XKR6: variants seen among roughly 807,000 people sequenced by gnomAD.
The protein encoded by XKR6 is XK-related protein 6.
XKR6 carries 22 observed loss-of-function variants against 56.7 expected under a neutral mutation model. The ratio of observed to expected loss-of-function variants is 0.39; its 90% confidence interval spans 0.28 to 0.55. The LOEUF (loss-of-function observed/expected upper bound fraction) is 0.55, where lower values mean the gene tolerates loss of function less well. XKR6 is among the 20% of genes least tolerant of loss of function. XKR6 has a pLI of 0.66. For synonymous variants in XKR6, 524 were observed against 387.8 expected (o/e 1.35, Z -4.13); for missense variants, 852 against 889.0 (o/e 0.96, Z 0.53).
At chr8:11,142,211 C>G (rs1800739304) in intron 1 of XKR6, among the ~76,000 whole-genome samples, 1 of 152,180 alleles carries the variant, frequency 6.6e-6, no homozygotes. Flanking sequence ...ATACTCAGGT[C>G]TTGAAGCATC....
At chr8:11,111,735 C>G (rs538703545) in intron 1 of XKR6, 1 of 152,038 alleles carries the variant, frequency 6.6e-6, no homozygotes, top group Non-Finnish European at 1.5e-5. Flanking sequence ...TCATAATTAT[C>G]TGTTATTAGA....
Position 10,977,372 on chromosome 8 carries a change from G to A in XKR6, c.765-52542C>T, listed in dbSNP as rs570812352. Among the ~76,000 whole-genome samples the A allele has an allele frequency of 2.0e-5, 3 of 152,086 alleles. No individual in the cohort carries two copies. The East Asian group carries it at 5.8e-4, about 30-fold the overall frequency. ...CAACTGGAGAATACATGTGGAGAAT[G>A]ACAAATTCCCTAACCCCCTGCACAG... On this transcript the variant is annotated intron_variant, in intron 1 of 2. Transcript: ENST00000416569.
At chr8:11,057,686 G>C (rs1048097179) in intron 1 of XKR6, among the ~76,000 whole-genome samples, 1 of 152,184 alleles carries the variant, frequency 6.6e-6, no homozygotes, top group African/African-American at 2.4e-5. Flanking sequence ...TCCAAGCTTG[G>C]TCTGACGTCA....
At chr8:11,065,732 G>A (rs548757396) in intron 1 of XKR6, among the ~76,000 whole-genome samples, 25 of 152,156 alleles carry the variant, frequency 1.6e-4, no homozygotes, top group Admixed American at 1.0e-3. Flanking sequence ...GGTCTCTTCC[G>A]GAGCCTTTCC....
At chr8:10,994,409 G>C (rs1798063791) in intron 1 of XKR6, among the ~76,000 whole-genome samples, 1 of 152,226 alleles carries the variant, frequency 6.6e-6, no homozygotes, top group African/African-American at 2.4e-5. Flanking sequence ...CTTGGGCTTA[G>C]GTCTGTGGAG....
chr8:11,069,205 A>G (rs1800055838), intron 1 of XKR6, among the ~76,000 whole-genome samples: 1 of 151,908 alleles, frequency 6.6e-6, no homozygotes, highest in African/African-American at 2.4e-5. Flanking sequence ...TTGATAAGGC[A>G]GGCAGGTTCC....
intron 1 of XKR6, among the ~76,000 whole-genome samples, chr8:11,090,852 G>C (rs942089725): frequency 2.0e-5 from 3 of 152,012 alleles, no homozygotes; most frequent in Admixed American, 6.6e-5. Flanking sequence ...ATTGTTTTTG[G>C]TGTTCATGTG....
chr8:11,084,661 T>A (rs116473084), intron 1 of XKR6, among the ~76,000 whole-genome samples: 187 of 152,302 alleles, frequency 1.2e-3, no homozygotes, highest in African/African-American at 4.4e-3. Flanking sequence ...TTGAGATAAG[T>A]TACCAGACTT....
At chr8:10,920,928 G>A (rs561598874) in intron 2 of XKR6, among the ~76,000 whole-genome samples, 1 of 152,366 alleles carries the variant, frequency 6.6e-6, no homozygotes, top group East Asian at 1.9e-4. Context: ...CTGGGGAAAT[G>A]CTCACCAGAC....
intron 1 of XKR6, among the ~76,000 whole-genome samples, chr8:11,119,754 T>C (rs910294558): frequency 6.6e-6 from 1 of 152,162 alleles, no homozygotes; most frequent in African/African-American, 2.4e-5. Context: ...TTTAGACCAA[T>C]ATCCTTGATG....
At chr8:11,070,104 G>A (rs1466164801) in intron 1 of XKR6, among the ~76,000 whole-genome samples, 1 of 152,182 alleles carries the variant, frequency 6.6e-6, no homozygotes, top group African/African-American at 2.4e-5. Flanking sequence ...GGACATGGGA[G>A]TCCTGACAAC....
At chr8:11,102,374 T>C (rs1165107609) in intron 1 of XKR6, among the ~76,000 whole-genome samples, 1 of 152,168 alleles carries the variant, frequency 6.6e-6, no homozygotes, top group African/African-American at 2.4e-5. Flanking sequence ...TGAAGTCTAG[T>C]AAGCATCATC....
At chr8:11,085,760 C>G (rs532885352) in intron 1 of XKR6, among the ~76,000 whole-genome samples, 2 of 152,152 alleles carry the variant, frequency 1.3e-5, no homozygotes, top group Admixed American at 6.5e-5. Flanking sequence ...GGCCCTGGGA[C>G]AGCAACGGTC....
At chr8:11,160,855 T>A (rs1027704213) in intron 1 of XKR6, among the ~76,000 whole-genome samples, 1 of 127,718 alleles carries the variant, frequency 7.8e-6, no homozygotes, top group Admixed American at 9.9e-5. Flanking sequence ...GAGGTTGCAG[T>A]GAGCCGAGAT....
At chr8:10,996,126 C>CT (rs1798108081) in intron 1 of XKR6, among the ~76,000 whole-genome samples, 1 of 152,186 alleles carries the variant, frequency 6.6e-6, no homozygotes, top group African/African-American at 2.4e-5. Flanking sequence ...AAATGAAATA[C>CT]TTTTCTTCAG....
intron 1 of XKR6, among the ~76,000 whole-genome samples, chr8:11,062,322 A>C (rs941841807): frequency 1.3e-5 from 2 of 152,192 alleles, no homozygotes; most frequent in Non-Finnish European, 2.9e-5. Context: ...CAGGGGGCCA[A>C]CTGTGACATA....
chr8:11,186,406 G>C (rs1039644241), intron 1 of XKR6, among the ~76,000 whole-genome samples: 2 of 152,166 alleles, frequency 1.3e-5, no homozygotes, highest in South Asian at 2.1e-4. Flanking sequence ...GACAGAGAGA[G>C]AGTCTTGCTC....
chr8:11,093,896 G>T (rs546410707), intron 1 of XKR6, among the ~76,000 whole-genome samples: 1 of 150,986 alleles, frequency 6.6e-6, no homozygotes, highest in Non-Finnish European at 1.5e-5. Context: ...CCATTCTCCT[G>T]CCTCAGCCTC....
intron 1 of XKR6, among the ~76,000 whole-genome samples, chr8:10,947,115 G>A (rs529105976): frequency 1.1e-4 from 17 of 152,256 alleles, no homozygotes; most frequent in East Asian, 9.7e-4. Flanking sequence ...GGGTTGGAGC[G>A]GAAGACACAG....
Sources: gnomAD v4.1 joint callset for allele counts (sites outside exome capture counted in the v4.1 genomes callset) on GRCh38, gnomAD v4.1.1 for gene constraint, MANE v1.5 for transcripts, NCBI Gene and HGNC (gene_info 2026-07-23, HGNC 2026-07-21) for gene names.